RALGAPA1: variants seen among roughly 807,000 people sequenced by gnomAD.
RALGAPA1 encodes ral GTPase-activating protein subunit alpha-1.
In RALGAPA1, 52 loss-of-function variants were observed where a neutral mutation model predicts 269.6. That is an observed-to-expected ratio of 0.19 (90% CI 0.15 to 0.24). The LOEUF (loss-of-function observed/expected upper bound fraction) is 0.24, where lower values mean the gene tolerates loss of function less well. RALGAPA1 is among the 10% of genes least tolerant of loss of function. The pLI is 1.00. For missense variants in RALGAPA1, 1,917 were observed against 3,013.9 expected (o/e 0.64, Z 8.52); for synonymous variants, 817 against 1,008.3 (o/e 0.81, Z 3.60).
intron 41 of RALGAPA1, 27 bp downstream of exon 41, chr14:35,548,481 G>C: frequency 6.6e-7 from 1 of 1,518,802 alleles, no homozygotes; most frequent in South Asian, 1.2e-5. Flanking sequence ...AAGAACAGAG[G>C]GTGTTTTGGT....
chr14:35,766,425 T>C, intron 4 of RALGAPA1: 3 of 1,574,748 alleles, frequency 1.9e-6, no homozygotes, highest in South Asian at 2.3e-5. Flanking sequence ...ACAGTCTCTT[T>C]GGTCCAAAGC....
chr14:35,540,861 C>T (rs1226228897), intron 41 of RALGAPA1, among the ~76,000 whole-genome samples: 3 of 152,158 alleles, frequency 2.0e-5, no homozygotes, highest in Admixed American at 6.5e-5. Context: ...CAATGTAGCA[C>T]CTCATTGATA....
intron 35 of RALGAPA1, among the ~76,000 whole-genome samples, chr14:35,609,634 C>A (rs942925314): frequency 3.0e-4 from 46 of 152,050 alleles, no homozygotes; most frequent in African/African-American, 1.1e-3. Flanking sequence ...AAACCTTCCA[C>A]CTTACAAAAC....
chr14:35,612,645 T>C (rs1196628480), intron 35 of RALGAPA1, among the ~76,000 whole-genome samples: 1 of 150,844 alleles, frequency 6.6e-6, no homozygotes, highest in Non-Finnish European at 1.5e-5. Context: ...TTCATGCCAC[T>C]CTCCTGCCTC....
chr14:35,655,224 A>G (rs1008640978), intron 29 of RALGAPA1, among the ~76,000 whole-genome samples: 3 of 152,168 alleles, frequency 2.0e-5, no homozygotes, highest in African/African-American at 4.8e-5. Flanking sequence ...AAAAATATTT[A>G]TTAGCTACTT....
chr14:35,796,501 G>A (rs1273478295), intron 1 of RALGAPA1, among the ~76,000 whole-genome samples: 3 of 152,108 alleles, frequency 2.0e-5, no homozygotes, highest in African/African-American at 7.2e-5. Context: ...CAAGTTTGAT[G>A]AAAACTATAA....
At chr14:35,781,242 AAT>A (rs1185460849) in intron 1 of RALGAPA1, among the ~76,000 whole-genome samples, 1 of 152,190 alleles carries the variant, frequency 6.6e-6, no homozygotes, top group Non-Finnish European at 1.5e-5. Flanking sequence ...TATGCTAGCA[AAT>A]TACACAGCCT....
At chr14:35,540,051 A>ATTCAGG (rs2053824833) in intron 41 of RALGAPA1, among the ~76,000 whole-genome samples, 1 of 152,144 alleles carries the variant, frequency 6.6e-6, no homozygotes, top group African/African-American at 2.4e-5. Flanking sequence ...TATCTCTAGG[A>ATTCAGG]TTCAGGGTAC....
chr14:35,578,197 A>G (rs1311049430), intron 37 of RALGAPA1, among the ~76,000 whole-genome samples: 1 of 152,214 alleles, frequency 6.6e-6, no homozygotes, highest in African/African-American at 2.4e-5. Flanking sequence ...AAATAACCAT[A>G]CAATAAATAA....
Position 35,770,991 on chromosome 14 carries a change from T to C in RALGAPA1, c.276A>G (p.Leu92=). ...GATGAATTCTTTCTGGAAGAAGTTG[T>C]AAAATTTTCTAAAAATCAATATAAA... ...DAILFIFEKI[L]QLLPERIHQR... The change falls in exon 4 of 42, where the codon TTA becomes TTG. Residue 92 remains leucine (L), a synonymous_variant. Transcript: ENST00000680220. The C allele has an allele frequency of 7.4e-7, 1 of 1,349,010 alleles. No individual in the cohort carries two copies. The highest frequency in any genetic ancestry group is 1.0e-6 in the Non-Finnish European group (1 of 969,950). The allele number at this position is 1,349,010 out of a possible 1,614,324, so 83.6% of individuals were successfully genotyped here.
At chr14:35,767,102 C>T (rs959975534) in intron 4 of RALGAPA1, 4 of 287,284 alleles carry the variant, frequency 1.4e-5, no homozygotes, top group Non-Finnish European at 2.7e-5. Context: ...CTCTGTCTCT[C>T]TAACACAGTA....
chr14:35,752,010 C>T lies in RALGAPA1; in HGVS notation c.802+14G>A. 1 of 1,566,632 alleles carries T rather than the reference C, an allele frequency of 6.4e-7. No homozygotes were observed. The highest frequency in any genetic ancestry group is 1.2e-5 in the South Asian group (1 of 83,336). On this transcript the variant is annotated intron_variant, in intron 8 of 41. Coordinates refer to ENST00000680220, the MANE Select transcript of RALGAPA1 (RefSeq NM_001346249.2). ...TTAAGTGTGATCTTTCAGAAAATTT[C>T]AAACATTACCTACCAAGTATAGGAT...
chr14:35,582,079 C>T (rs1292499191), intron 37 of RALGAPA1, among the ~76,000 whole-genome samples: 1 of 152,114 alleles, frequency 6.6e-6, no homozygotes, highest in African/African-American at 2.4e-5. Flanking sequence ...ATGTATGCTA[C>T]AACATGAATG....
Position 35,651,835 on chromosome 14 carries a change from T to C in RALGAPA1, c.5646A>G (p.Thr1882=), listed in dbSNP as rs2062844894. Residue 1882 remains threonine, a synonymous_variant, in exon 31 of 42, where the codon ACA becomes ACG. Coordinates refer to ENST00000680220, the MANE Select transcript of RALGAPA1 (RefSeq NM_001346249.2). ...TGTCCATTTCATAAGATGAAGCCTCTGTACTTGGTAAAAGATGGGTGATGG... is the reference window on the plus strand; with the variant it reads ...TGTCCATTTCATAAGATGAAGCCTCCGTACTTGGTAAAAGATGGGTGATGG... The part of the protein sequence containing the change: ...IATITHLLPS[T]EASSYEMDKR... 6.2e-7 allele frequency: 1 copy of C among 1,606,626 alleles called. No homozygotes were observed. The highest frequency in any genetic ancestry group is 1.7e-5 in the Admixed American group (1 of 58,724).
chr14:35,796,166 A>C (rs2076550863), intron 1 of RALGAPA1, among the ~76,000 whole-genome samples: 1 of 152,190 alleles, frequency 6.6e-6, no homozygotes, highest in Admixed American at 6.6e-5. Flanking sequence ...CATATGTTCA[A>C]AAAGTTAAGA....
Position 35,625,438 on chromosome 14 carries a change from TAG to T in RALGAPA1, c.6858-8_6858-7del. 4.4e-6 allele frequency: 7 copies of T among 1,586,054 alleles called. No individual in the cohort carries two copies. Among genetic ancestry groups the T allele is most frequent in the Non-Finnish European group, 6.0e-6 (7 of 1,161,722 alleles). ...TCAGGAGATGAAAGCTCCTCCTAAATAGAGAGATTTATAAACATTTTCATCAC... is the reference window on the plus strand; with the variant it reads ...TCAGGAGATGAAAGCTCCTCCTAAATAGAGATTTATAAACATTTTCATCAC... On this transcript the variant is annotated splice_region_variant and splice_polypyrimidine_tract_variant and intron_variant, in intron 34 of 41. Coordinates refer to ENST00000680220, the MANE Select transcript of RALGAPA1 (RefSeq NM_001346249.2).
chr14:35,748,052 A>C (rs1026894583), intron 10 of RALGAPA1, among the ~76,000 whole-genome samples: 8 of 152,068 alleles, frequency 5.3e-5, no homozygotes, highest in Admixed American at 5.2e-4. Flanking sequence ...GTGGAAGATA[A>C]AATAATTTTA....
At chr14:35,700,124 GA>G (rs1567036247) in intron 17 of RALGAPA1, 37 bp downstream of exon 17, 10 of 1,495,628 alleles carry the variant, frequency 6.7e-6, no homozygotes, top group Admixed American at 5.0e-5. Context: ...ATTAAAAAGT[GA>G]AAAAGGTGGT....
In RALGAPA1 at chr14:35,671,457, C is replaced by A. The variant is rs775280833; in HGVS notation, c.5134G>T (p.Gly1712Cys). 1.2e-6 allele frequency: 2 copies of A among 1,606,898 alleles called. No homozygotes were observed. Residue 1712 changes from glycine to cysteine, a missense_variant, in exon 26 of 42, where the codon GGT (glycine) becomes TGT (cysteine). Physicochemically the swap from Gly to Cys is radical, Grantham distance 159. Around this residue, in one of 11 missense-constraint regions of RALGAPA1, gnomAD observed 346 missense variants for 566.1 expected, o/e 0.61. Coordinates refer to ENST00000680220, the MANE Select transcript of RALGAPA1 (RefSeq NM_001346249.2). ...SPQFFSLGLP[G>C]ATMLIMDFIV... ...AAATCCATAATAAGCATTGTGGCACCAGGCAAACCAAGTGAAAAAAATTGA... is the reference window on the plus strand; with the variant it reads ...AAATCCATAATAAGCATTGTGGCACAAGGCAAACCAAGTGAAAAAAATTGA...
Sources: allele counts gnomAD v4.1 joint callset (sites outside exome capture counted in the v4.1 genomes callset), GRCh38; gene constraint gnomAD v4.1.1; regional missense constraint gnomAD v4.1.1; transcripts MANE v1.5; gene names NCBI Gene and HGNC (gene_info 2026-07-23, HGNC 2026-07-21).